ANKRD13C: variants seen among roughly 807,000 people sequenced by gnomAD.
The protein encoded by ANKRD13C is ankyrin repeat domain-containing protein 13C.
ANKRD13C carries 16 observed loss-of-function variants against 65.5 expected under a neutral mutation model. The ratio of observed to expected loss-of-function variants is 0.24; its 90% confidence interval spans 0.17 to 0.37. The LOEUF is 0.37. ANKRD13C is among the 10% of genes least tolerant of loss of function. The pLI is 1.00. For missense variants in ANKRD13C, 503 were observed against 655.9 expected (o/e 0.77, Z 2.55); for synonymous variants, 235 against 238.7 (o/e 0.98, Z 0.14).
At chr1:70,292,236 T>C in intron 9 of ANKRD13C, 152 bp downstream of exon 9, 3 of 544,426 alleles carry the variant, frequency 5.5e-6, no homozygotes, top group East Asian at 3.5e-5. Context: ...TTCATAATAA[T>C]GACATCAACG....
intron 3 of ANKRD13C, among the ~76,000 whole-genome samples, chr1:70,321,000 G>A (rs979938989): frequency 6.6e-6 from 1 of 152,028 alleles, no homozygotes; most frequent in Admixed American, 6.6e-5. Flanking sequence ...TGTTTCCCAG[G>A]CTCAAGCAAT....
At chr1:70,353,764 G>C (rs377012498) in intron 1 of ANKRD13C, among the ~76,000 whole-genome samples, 4 of 152,144 alleles carry the variant, frequency 2.6e-5, no homozygotes, top group African/African-American at 9.7e-5. Flanking sequence ...GACAAACTTT[G>C]AAGTGGGCAA....
chr1:70,322,719 G>A (rs1331615901), intron 3 of ANKRD13C, among the ~76,000 whole-genome samples: 5 of 151,928 alleles, frequency 3.3e-5, no homozygotes, highest in Admixed American at 6.6e-5. Context: ...GAGGCCGGGC[G>A]CAGTGGCTCA....
At chr1:70,330,680 C>A (rs1287628113) in intron 2 of ANKRD13C, among the ~76,000 whole-genome samples, 1 of 146,950 alleles carries the variant, frequency 6.8e-6, no homozygotes, top group Non-Finnish European at 1.5e-5. Context: ...TTGGAAACAA[C>A]AGAATATCTA....
At chr1:70,321,705 C>T (rs1681316809) in intron 3 of ANKRD13C, among the ~76,000 whole-genome samples, 1 of 152,146 alleles carries the variant, frequency 6.6e-6, no homozygotes, top group Non-Finnish European at 1.5e-5. Flanking sequence ...CTATCTCATA[C>T]TGGTCTGGGC....
intron 1 of ANKRD13C, among the ~76,000 whole-genome samples, chr1:70,337,775 T>C (rs1331410764): frequency 6.6e-6 from 1 of 151,922 alleles, no homozygotes; most frequent in Admixed American, 6.6e-5. Flanking sequence ...CATTGGTACT[T>C]AGTACTTTAA....
intron 5 of ANKRD13C, among the ~76,000 whole-genome samples, chr1:70,308,183 CG>C (rs1463836313): frequency 1.3e-5 from 2 of 151,748 alleles, no homozygotes; most frequent in African/African-American, 4.8e-5. Context: ...TTTTTAAAGA[CG>C]GGGGTCTCCC....
At chr1:70,339,811 G>A (rs1038354374) in intron 1 of ANKRD13C, among the ~76,000 whole-genome samples, 1 of 125,702 alleles carries the variant, frequency 8.0e-6, no homozygotes, top group Admixed American at 9.2e-5. Flanking sequence ...TGATCAGTAC[G>A]TTTATTATTA....
chr1:70,271,843 G>A (rs181549998), intron 11 of ANKRD13C, among the ~76,000 whole-genome samples: 104 of 152,090 alleles, frequency 6.8e-4, no homozygotes, highest in African/African-American at 2.3e-3. Flanking sequence ...GTTATACTTG[G>A]ACGCCTTTTA....
chr1:70,273,188 G>C (rs1678970730), intron 11 of ANKRD13C, among the ~76,000 whole-genome samples: 1 of 151,950 alleles, frequency 6.6e-6, no homozygotes, highest in Admixed American at 6.6e-5. Flanking sequence ...CTAAAGCCTA[G>C]ATATGGGTAA....
At chr1:70,308,214 T>C (rs754019825) in intron 5 of ANKRD13C, among the ~76,000 whole-genome samples, 1 of 152,134 alleles carries the variant, frequency 6.6e-6, no homozygotes, top group African/African-American at 2.4e-5. Flanking sequence ...CAGGTTGGTC[T>C]TGAACTCCTA....
chr1:70,278,288 T>C (rs990566183), intron 9 of ANKRD13C, among the ~76,000 whole-genome samples: 12 of 149,174 alleles, frequency 8.0e-5, no homozygotes. Context: ...AGGTGAGGGG[T>C]TCAAGACCAG....
At chr1:70,307,723 T>C (rs750173468) in intron 5 of ANKRD13C, among the ~76,000 whole-genome samples, 7 of 151,896 alleles carry the variant, frequency 4.6e-5, no homozygotes, top group Non-Finnish European at 8.8e-5. Flanking sequence ...GCAGGAGGAC[T>C]GTTTGAGCCC....
intron 12 of ANKRD13C, 96 bp from the exon 13 acceptor site, chr1:70,262,943 T>TAAAAAAGAAAAAAA (rs1678447705): frequency 2.3e-6 from 1 of 438,450 alleles, no homozygotes; most frequent in South Asian, 4.2e-5. Flanking sequence ...CCTTAAAATG[T>TAAAAAAGAAAAAAA]AAAAAAAAAA....
Position 70,339,812 on chromosome 1 carries a change from TTTATTATTATTATTATTATTA to T in ANKRD13C, c.431-3734_431-3714del, listed in dbSNP as rs146940723. On this transcript the variant is annotated intron_variant, in intron 1 of 12. Coordinates refer to ENST00000370944, the MANE Select transcript of ANKRD13C (RefSeq NM_030816.5). ...CCTTCTTTTTCTCTTGATCAGTACG[TTTATTATTATTATTATTATTA>T]TTATTATTATTATTATTATTATTAT... is the stretch of plus-strand genomic sequence containing the variant. 5.9e-3 allele frequency among the ~76,000 whole-genome samples: 793 copies of T among 133,878 alleles called. 14 individuals carry two copies. The highest frequency in any genetic ancestry group is 0.017 in the African/African-American group (621 of 36,050). 87.8% of individuals were successfully genotyped at this position (133,878 alleles called of 152,430 possible).
chr1:70,354,480 C>A lies in ANKRD13C; in HGVS notation c.-72G>T. On this transcript the variant is annotated 5_prime_UTR_variant, in exon 1 of 13. Coordinates refer to ENST00000370944, the MANE Select transcript of ANKRD13C (RefSeq NM_030816.5). ...CGACGGAGCTGGCGCTGCGGCGGCA[C>A]AAGGCGATTAGAGCGGTGGCCAAGA... 1 of 1,517,290 alleles carries A rather than the reference C, an allele frequency of 6.6e-7. No individual in the cohort carries two copies. Among genetic ancestry groups the A allele is most frequent in the Admixed American group, 2.2e-5 (1 of 46,198 alleles). The allele number at this position is 1,517,290 out of a possible 1,614,324, so 94.0% of individuals were successfully genotyped here. A position where few individuals can be genotyped will look rare whatever the true frequency, so the allele number is the denominator to read the frequency against.
intron 6 of ANKRD13C, among the ~76,000 whole-genome samples, chr1:70,301,940 C>G (rs183411171): frequency 6.6e-6 from 1 of 152,290 alleles, no homozygotes; most frequent in Non-Finnish European, 1.5e-5. Context: ...ATGCTGATCA[C>G]ATCCCCAGGA....
intron 1 of ANKRD13C, among the ~76,000 whole-genome samples, chr1:70,352,823 A>G (rs1682804051): frequency 6.6e-6 from 1 of 152,246 alleles, no homozygotes; most frequent in Admixed American, 6.5e-5. Flanking sequence ...GGGATTTATG[A>G]TAAATGATAG....
intron 3 of ANKRD13C, among the ~76,000 whole-genome samples, chr1:70,316,841 T>C (rs1309476482): frequency 6.6e-6 from 1 of 152,152 alleles, no homozygotes; most frequent in Non-Finnish European, 1.5e-5. Flanking sequence ...AAAATGTGCA[T>C]CGGGGAAAAT....
Sources: allele counts gnomAD v4.1 joint callset (sites outside exome capture counted in the v4.1 genomes callset), GRCh38; gene constraint gnomAD v4.1.1; transcripts MANE v1.5; gene names NCBI Gene and HGNC (gene_info 2026-07-23, HGNC 2026-07-21).